Variants in GRM8 observed in about 807,000 individuals in gnomAD.
The protein encoded by GRM8 is glutamate metabotropic receptor 8, also known as metabotropic glutamate receptor 8.
In GRM8, 47 loss-of-function variants were observed where a neutral mutation model predicts 87.2. The observed-to-expected ratio is 0.54, with a 90% confidence interval of 0.43 to 0.69. The LOEUF (loss-of-function observed/expected upper bound fraction) is 0.69, where lower values mean the gene tolerates loss of function less well. Ranked by LOEUF, GRM8 falls within the 30% of genes least tolerant of loss-of-function variation. The pLI is 0.00. For synonymous variants in GRM8, 396 were observed against 404.5 expected, an observed-to-expected ratio of 0.98 and a Z score of 0.25; for missense variants, 1,019 against 1,139.2, an observed-to-expected ratio of 0.89 and a Z score of 1.52.
chr7:127,208,377 C>A (rs1796031230), intron 2 of GRM8, among the ~76,000 whole-genome samples: 1 of 152,142 alleles, frequency 6.6e-6, no homozygotes, highest in Non-Finnish European at 1.5e-5. Flanking sequence ...CCCTTCCTCC[C>A]TCAAAGTGTC....
chr7:126,974,932 G>T (rs1170532529), intron 3 of GRM8, among the ~76,000 whole-genome samples: 3 of 73,638 alleles, frequency 4.1e-5, no homozygotes, highest in African/African-American at 1.9e-4. Context: ...CGAGACTCTT[G>T]TCTCAAAAAA....
intron 8 of GRM8, among the ~76,000 whole-genome samples, chr7:126,583,061 G>A (rs894891269): frequency 1.3e-5 from 2 of 152,106 alleles, no homozygotes; most frequent in Admixed American, 6.6e-5. Context: ...TATTACTTAA[G>A]AAATGCACTT....
At chr7:127,118,092 G>T (rs935334897) in intron 2 of GRM8, 8 of 152,164 alleles carry the variant, frequency 5.3e-5, no homozygotes. Context: ...TAGCATTCAG[G>T]TACTGATTCT....
intron 6 of GRM8, among the ~76,000 whole-genome samples, chr7:126,864,550 C>A (rs571108816): frequency 7.9e-5 from 12 of 152,094 alleles, no homozygotes; most frequent in Admixed American, 7.2e-4. Context: ...TAACTGCCTA[C>A]GAACCTTTAA....
At chr7:126,836,442 A>G (rs559083913) in intron 6 of GRM8, among the ~76,000 whole-genome samples, 18 of 152,306 alleles carry the variant, frequency 1.2e-4, no homozygotes, top group African/African-American at 2.6e-4. Context: ...TGTCACTTAA[A>G]AGAAATTCAA....
At chr7:127,220,839 C>G (rs1796881721) in intron 2 of GRM8, among the ~76,000 whole-genome samples, 1 of 152,170 alleles carries the variant, frequency 6.6e-6, no homozygotes, top group Admixed American at 6.5e-5. Context: ...CCATTGTAAC[C>G]ACTGAGGCAA....
chr7:126,456,895 G>C (rs1332511608), intron 9 of GRM8, among the ~76,000 whole-genome samples: 1 of 151,396 alleles, frequency 6.6e-6, no homozygotes, highest in Non-Finnish European at 1.5e-5. Flanking sequence ...GGCATGCTAG[G>C]ACACAAAAAC....
At chr7:127,071,902 T>A (rs1001613024) in intron 3 of GRM8, among the ~76,000 whole-genome samples, 3 of 152,008 alleles carry the variant, frequency 2.0e-5, no homozygotes, top group Non-Finnish European at 4.4e-5. Context: ...AATAGGTATC[T>A]TTGCTTTCAG....
intron 7 of GRM8, among the ~76,000 whole-genome samples, chr7:126,732,587 G>A (rs1189784425): frequency 1.3e-5 from 2 of 152,042 alleles, no homozygotes; most frequent in Non-Finnish European, 1.5e-5. Context: ...GGCGTATAGA[G>A]AGCTTTATAA....
chr7:126,749,806 G>A (rs1816202537), intron 7 of GRM8, among the ~76,000 whole-genome samples: 1 of 152,038 alleles, frequency 6.6e-6, no homozygotes, highest in East Asian at 1.9e-4. Flanking sequence ...CACGAAAATA[G>A]CTAAAATTAA....
chr7:126,534,895 T>C (rs957421102), intron 8 of GRM8, among the ~76,000 whole-genome samples: 1 of 152,158 alleles, frequency 6.6e-6, no homozygotes, highest in African/African-American at 2.4e-5. Context: ...AAACAGTGAC[T>C]GGCATACAAT....
At chr7:127,054,589 G>GC (rs1171786097) in intron 3 of GRM8, among the ~76,000 whole-genome samples, 4 of 152,142 alleles carry the variant, frequency 2.6e-5, no homozygotes, top group Non-Finnish European at 5.9e-5. Flanking sequence ...CTGGATGTTA[G>GC]CGCAACTAGT....
At chr7:126,600,427 G>C (rs984116127) in intron 8 of GRM8, among the ~76,000 whole-genome samples, 3 of 152,112 alleles carry the variant, frequency 2.0e-5, no homozygotes, top group African/African-American at 7.2e-5. Context: ...TTTGGTATAT[G>C]TGGGGTCCTG....
chr7:127,085,895 A>C (rs1823418068), intron 3 of GRM8, among the ~76,000 whole-genome samples: 1 of 152,170 alleles, frequency 6.6e-6, no homozygotes, highest in Admixed American at 6.6e-5. Context: ...TATGTCCTGA[A>C]TGGTATTGCC....
In GRM8 at chr7:126,446,127, G is replaced by A. The variant is rs568189106; in HGVS notation, c.2676C>T (p.Asn892=). The A allele has an allele frequency of 2.5e-5, 40 of 1,612,608 alleles. No individual in the cohort carries two copies. The South Asian group carries it at 4.2e-4, about 17-fold the overall frequency. Residue 892 remains asparagine (N), a splice_region_variant and synonymous_variant, in exon 10 of 11, where the codon AAC becomes AAT. Transcript: ENST00000339582. The part of the protein sequence containing the change: ...KSELCESLET[N]TSSTKTTYIS... ...TCGGAAACTCTACAGATGACTTACTGTTGGTTTCAAGACTCTCACAGAGTT... is the reference window on the plus strand; with the variant it reads ...TCGGAAACTCTACAGATGACTTACTATTGGTTTCAAGACTCTCACAGAGTT...
chr7:126,476,048 CAA>C (rs924136324), intron 9 of GRM8, among the ~76,000 whole-genome samples: 43 of 151,742 alleles, frequency 2.8e-4, no homozygotes, highest in African/African-American at 1.0e-3. Context: ...TTGGTCTTGG[CAA>C]AGTTTTTTTA....
At chr7:126,779,176 G>T (rs2151634118) in intron 6 of GRM8, among the ~76,000 whole-genome samples, 1 of 151,778 alleles carries the variant, frequency 6.6e-6, no homozygotes, top group African/African-American at 2.4e-5. Context: ...TAATTCTTTT[G>T]TTATATTCAA....
At chr7:126,945,155 T>G (rs973668778) in intron 3 of GRM8, among the ~76,000 whole-genome samples, 6 of 152,170 alleles carry the variant, frequency 3.9e-5, no homozygotes, top group African/African-American at 1.4e-4. Flanking sequence ...CAGGGAGCCA[T>G]GCAAGAATGT....
chr7:127,005,366 A>G (rs1814181043), intron 3 of GRM8, among the ~76,000 whole-genome samples: 1 of 151,662 alleles, frequency 6.6e-6, no homozygotes, highest in Non-Finnish European at 1.5e-5. Context: ...TAGAATGTCA[A>G]TTCCCTGAAA....
Sources: gnomAD v4.1 joint callset for allele counts (sites outside exome capture counted in the v4.1 genomes callset) on GRCh38, gnomAD v4.1.1 for gene constraint, MANE v1.5 for transcripts, NCBI Gene and HGNC (gene_info 2026-07-23, HGNC 2026-07-21) for gene names.